MRTFA: variants seen among roughly 807,000 people sequenced by gnomAD.
MRTFA encodes myocardin related transcription factor A, also known as myocardin-related transcription factor A.
A neutral mutation model predicts 83.5 loss-of-function variants in MRTFA; 20 were observed. That is an observed-to-expected ratio of 0.24 (90% CI 0.17 to 0.35). The LOEUF is 0.35. Ranked by LOEUF, MRTFA falls within the 10% of genes least tolerant of loss-of-function variation. MRTFA has a pLI of 1.00. For missense variants in MRTFA, 1,200 were observed against 1,224.7 expected, an observed-to-expected ratio of 0.98 and a Z score of 0.30; for synonymous variants, 659 against 541.2, an observed-to-expected ratio of 1.22 and a Z score of -3.02.
intron 3 of MRTFA, among the ~76,000 whole-genome samples, chr22:40,512,278 A>G (rs2054680881): frequency 6.6e-6 from 1 of 152,230 alleles, no homozygotes; most frequent in Non-Finnish European, 1.5e-5. Flanking sequence ...ATGTTAAATG[A>G]GCAATACTAA....
At chr22:40,481,779 G>A (rs1398156745) in intron 3 of MRTFA, among the ~76,000 whole-genome samples, 1 of 152,096 alleles carries the variant, frequency 6.6e-6, no homozygotes, top group Non-Finnish European at 1.5e-5. Context: ...TGAGGACTCT[G>A]ACCAGGCGCG....
At chr22:40,473,644 C>G (rs1602301663) in intron 3 of MRTFA, among the ~76,000 whole-genome samples, 1 of 152,158 alleles carries the variant, frequency 6.6e-6, no homozygotes, top group Admixed American at 6.5e-5. Flanking sequence ...CTTTTAGCTT[C>G]AAACTAGGGA....
intron 5 of MRTFA, among the ~76,000 whole-genome samples, chr22:40,434,709 G>A (rs1240192649): frequency 6.6e-6 from 1 of 152,186 alleles, no homozygotes; most frequent in Non-Finnish European, 1.5e-5. Flanking sequence ...GTGACAGAGT[G>A]AGACTCCGTC....
chr22:40,452,938 T>C (rs1366582075), intron 4 of MRTFA, among the ~76,000 whole-genome samples: 1 of 152,182 alleles, frequency 6.6e-6, no homozygotes, highest in African/African-American at 2.4e-5. Context: ...TGCAGAGTAT[T>C]ATTTAAGGAT....
chr22:40,572,441 G>C (rs1159288531), intron 2 of MRTFA, among the ~76,000 whole-genome samples: 1 of 151,158 alleles, frequency 6.6e-6, no homozygotes, highest in Non-Finnish European at 1.5e-5. Context: ...TGCCTATGAA[G>C]AGCCACTGTA....
intron 3 of MRTFA, among the ~76,000 whole-genome samples, chr22:40,532,661 A>C (rs1326704455): frequency 1.3e-5 from 2 of 152,216 alleles, no homozygotes; most frequent in Admixed American, 6.5e-5. Flanking sequence ...TCCTGTCTTC[A>C]ACTGATGTAT....
At chr22:40,506,240 T>C (rs1370405967) in intron 3 of MRTFA, among the ~76,000 whole-genome samples, 3 of 151,936 alleles carry the variant, frequency 2.0e-5, no homozygotes, top group African/African-American at 7.3e-5. Context: ...GAGACTCTTA[T>C]CTCAAAAAAA....
intron 3 of MRTFA, among the ~76,000 whole-genome samples, chr22:40,464,321 A>AG (rs1569280416): frequency 6.6e-6 from 1 of 150,640 alleles, no homozygotes; most frequent in Non-Finnish European, 1.5e-5. Context: ...AAAAAAAAAA[A>AG]AAAAAAAAAA....
chr22:40,502,202 G>A (rs1249114929), intron 3 of MRTFA, among the ~76,000 whole-genome samples: 1 of 145,612 alleles, frequency 6.9e-6, no homozygotes, highest in African/African-American at 2.6e-5. Flanking sequence ...CTGCCGGGCG[G>A]AGACGCTCCT....
intron 7 of MRTFA, among the ~76,000 whole-genome samples, chr22:40,428,018 C>T (rs1013401691): frequency 2.0e-5 from 3 of 152,144 alleles, no homozygotes; most frequent in Admixed American, 2.0e-4. Context: ...CCCCTGGCAC[C>T]CCACGACACT....
Position 40,545,899 on chromosome 22 carries a change from A to G in MRTFA, c.241+6207T>C, listed in dbSNP as rs138177469. Among the ~76,000 whole-genome samples, 182 of 139,162 alleles carry G rather than the reference A, an allele frequency of 1.3e-3. 3 individuals carry two copies. In the East Asian group the frequency reaches 0.034, roughly 26 times the overall value. The allele number at this position is 139,162 out of a possible 152,430, so 91.3% of individuals were successfully genotyped here. A position where few individuals can be genotyped will look rare whatever the true frequency, so the allele number is the denominator to read the frequency against. ...CAGGCACCCGCCATCACGCCCAGCT[A>G]ATTTTTTAGTAGAGGAGGGGTTTCA... is the stretch of plus-strand genomic sequence containing the variant. On this transcript the variant is annotated intron_variant, in intron 3 of 14. Transcript: ENST00000355630.
intron 1 of MRTFA, among the ~76,000 whole-genome samples, chr22:40,622,219 C>T (rs770956918): frequency 6.6e-5 from 10 of 152,112 alleles, no homozygotes; most frequent in African/African-American, 9.7e-5. Context: ...CGGTGGCTCA[C>T]GCCTGTAATC....
intron 3 of MRTFA, among the ~76,000 whole-genome samples, chr22:40,480,461 G>C (rs548683466): frequency 5.3e-5 from 8 of 151,962 alleles, no homozygotes; most frequent in African/African-American, 1.9e-4. Context: ...TTATCAGCAT[G>C]ACATGCTGAT....
intron 3 of MRTFA, among the ~76,000 whole-genome samples, chr22:40,497,674 A>C (rs2054379112): frequency 1.3e-5 from 2 of 151,172 alleles, no homozygotes; most frequent in South Asian, 4.2e-4. Context: ...AATCGCTTGA[A>C]CTTGGGAGGC....
chr22:40,538,377 G>A (rs1055492186), intron 3 of MRTFA, among the ~76,000 whole-genome samples: 63 of 148,148 alleles, frequency 4.3e-4, no homozygotes, highest in African/African-American at 1.4e-3. Flanking sequence ...CAGCATGCTC[G>A]TTAAGAGTCA....
intron 3 of MRTFA, among the ~76,000 whole-genome samples, chr22:40,502,197 G>T (rs1258881984): frequency 3.1e-5 from 4 of 129,214 alleles, no homozygotes; most frequent in Admixed American, 7.3e-5. Flanking sequence ...GGTGGCTGCC[G>T]GGCGGAGACG....
chr22:40,586,266 CAAA>C (rs777228122), intron 2 of MRTFA, among the ~76,000 whole-genome samples: 3 of 98,562 alleles, frequency 3.0e-5, no homozygotes, highest in Non-Finnish European at 2.2e-5. Flanking sequence ...ATTTGCTCTT[CAAA>C]AAAAAAAAAA....
At chr22:40,436,384 T>G (rs1460348987) in intron 4 of MRTFA, 1 of 154,426 alleles carries the variant, frequency 6.5e-6, no homozygotes, top group African/African-American at 2.4e-5. Flanking sequence ...ATTTCCTTCT[T>G]CACTGCACCT....
chr22:40,487,576 C>G (rs1445383614), intron 3 of MRTFA, among the ~76,000 whole-genome samples: 1 of 152,250 alleles, frequency 6.6e-6, no homozygotes, highest in Non-Finnish European at 1.5e-5. Flanking sequence ...GAATTAATCT[C>G]TGACACCTAA....
Sources: allele counts gnomAD v4.1 joint callset (sites outside exome capture counted in the v4.1 genomes callset), GRCh38; gene constraint gnomAD v4.1.1; transcripts MANE v1.5; gene names NCBI Gene and HGNC (gene_info 2026-07-23, HGNC 2026-07-21).